The following KYNU variants were observed in gnomAD, a reference collection of about 807,000 sequenced individuals.
KYNU encodes the protein kynureninase.
KYNU carries 54 observed loss-of-function variants against 59.2 expected under a neutral mutation model. That is an observed-to-expected ratio of 0.91 (90% confidence interval 0.73 to 1.14). KYNU has a LOEUF of 1.14. KYNU is among the 50% of genes most tolerant of loss of function. KYNU has a pLI of 0.00. For synonymous variants in KYNU, 177 were observed against 192.0 expected (o/e 0.92, Z 0.65); for missense variants, 567 against 554.4 (o/e 1.02, Z -0.23).
At position 143,046,927 on chromosome 2, in the gene KYNU, C is replaced by T. The variant is rs1417863652; in HGVS notation, c.*4755C>T. ...CAATAGTGAGCCTTCCTACCCAAGA[C>T]CATGGCATTTATTTTCATTTATTTA... On this transcript the variant is annotated 3_prime_UTR_variant, in exon 14 of 14. Coordinates refer to ENST00000264170, the MANE Select transcript of KYNU (RefSeq NM_003937.3). The T allele has an allele frequency of 6.6e-6, 1 of 152,110 alleles. No individual in the cohort carries two copies. The highest frequency in any genetic ancestry group is 1.5e-5 in the Non-Finnish European group (1 of 68,018). The allele number at this position is 152,110 out of a possible 1,614,324, so 9.4% of individuals were successfully genotyped here. A position where few individuals can be genotyped will look rare whatever the true frequency, so the allele number is the denominator to read the frequency against.
rs1687089652 is a variant in KYNU at position 143,042,619 on chromosome 2, T to C, written c.*447T>C. ...ATATATATATATATATATATATATA[T>C]ATATATATATATGTGTGTGTGTGTG... On this transcript the variant is annotated 3_prime_UTR_variant, in exon 14 of 14. Transcript: ENST00000264170. The C allele has an allele frequency of 1.5e-5, 2 of 132,872 alleles. No individual in the cohort carries two copies. The highest frequency in any genetic ancestry group is 2.9e-5 in the African/African-American group (1 of 33,964). The allele number at this position is 132,872 out of a possible 1,614,324, so 8.2% of individuals were successfully genotyped here.
rs149102466 is a variant in KYNU, at chr2:142,948,395, A to G, written c.374-6415A>G. 7.8e-3 allele frequency among the ~76,000 whole-genome samples: 1,185 copies of G among 152,330 alleles called. 10 individuals carry two copies. Among genetic ancestry groups the G allele is most frequent in the Middle Eastern group, 0.02 (6 of 294 alleles). Reference sequence around the variant, plus strand: ...CACTCAAACTTTCTCCATATCAGCAATAAAGCTTGTATTAGTCTGTTTTTA... The same window carrying G: ...CACTCAAACTTTCTCCATATCAGCAGTAAAGCTTGTATTAGTCTGTTTTTA... On this transcript the variant is annotated intron_variant, in intron 4 of 13. Coordinates refer to ENST00000264170, the MANE Select transcript of KYNU (RefSeq NM_003937.3).
chr2:142,912,413 C>T lies in KYNU; in HGVS notation c.170-6196C>T, dbSNP rs555596578. Among the ~76,000 whole-genome samples the T allele has an allele frequency of 1.9e-3, 233 of 124,876 alleles. 1 individual carries two copies. The highest frequency in any genetic ancestry group is 6.9e-3 in the African/African-American group (219 of 31,964). The allele number at this position is 124,876 out of a possible 152,430, so 81.9% of individuals were successfully genotyped here. ...TTTTTTTTTGAGATGGAGTTTCACT[C>T]GTGTTGCCCAGGCTGGAGTGCAATG... On this transcript the variant is annotated intron_variant, in intron 2 of 13. Transcript: ENST00000264170.
Position 142,885,361 on chromosome 2 carries a change from A to G in KYNU, c.-7A>G. 1 of 1,613,746 alleles carries G rather than the reference A, an allele frequency of 6.2e-7. No homozygotes were observed. Among genetic ancestry groups the G allele is most frequent in the Non-Finnish European group, 8.5e-7 (1 of 1,179,772 alleles). On this transcript the variant is annotated 5_prime_UTR_variant, in exon 2 of 14. Coordinates refer to ENST00000264170, the MANE Select transcript of KYNU (RefSeq NM_003937.3). ...TATTCTCTTTCAGTTTTAGAGAACA[A>G]CTTGTAATGGAGCCTTCATCTCTTG... is the stretch of plus-strand genomic sequence containing the variant.
In KYNU at chr2:142,985,930, A is replaced by G; in HGVS notation, c.829-18A>G. The G allele has an allele frequency of 6.4e-7, 1 of 1,556,404 alleles. No homozygotes were observed. Among genetic ancestry groups the G allele is most frequent in the East Asian group, 2.3e-5 (1 of 44,210 alleles). On this transcript the variant is annotated intron_variant, in intron 9 of 13. Transcript: ENST00000264170. ...ATATTTAAGTAAACCCACATAATTT[A>G]ATTTATTTTCAATCTAGTATTTAAA...
chr2:142,884,688 C>CT (rs70997529), intron 1 of KYNU, among the ~76,000 whole-genome samples: 2,452 of 76,978 alleles, frequency 0.032, 6 homozygotes, highest in Non-Finnish European at 0.043. Flanking sequence ...TTCTCTTTTC[C>CT]TTTTTTTTTT....
At chr2:142,992,614 G>C (rs898464629) in intron 10 of KYNU, among the ~76,000 whole-genome samples, 2 of 151,656 alleles carry the variant, frequency 1.3e-5, no homozygotes. Flanking sequence ...GGATATGTCT[G>C]TATATGTGTG....
At chr2:142,902,166 G>T (rs2104948177) in intron 2 of KYNU, among the ~76,000 whole-genome samples, 1 of 152,250 alleles carries the variant, frequency 6.6e-6, no homozygotes, top group South Asian at 2.1e-4. Context: ...TACTAAGACT[G>T]CAACTGCCGC....
chr2:142,981,861 C>T (rs141946875), intron 8 of KYNU, among the ~76,000 whole-genome samples: 1 of 152,080 alleles, frequency 6.6e-6, no homozygotes, highest in East Asian at 1.9e-4. Context: ...CGTAAAGAAC[C>T]AAGTAGCAAA....
At chr2:142,899,642 C>G (rs1457588210) in intron 2 of KYNU, among the ~76,000 whole-genome samples, 1 of 46,462 alleles carries the variant, frequency 2.2e-5, no homozygotes, top group Non-Finnish European at 3.9e-5. Context: ...AACATAGGAG[C>G]ATGGGCTAGG....
At chr2:142,992,403 C>T (rs1213775677) in intron 10 of KYNU, among the ~76,000 whole-genome samples, 1 of 151,778 alleles carries the variant, frequency 6.6e-6, no homozygotes, top group Non-Finnish European at 1.5e-5. Context: ...AAAATCAACA[C>T]ACCTTATCCT....
intron 12 of KYNU, among the ~76,000 whole-genome samples, chr2:143,036,583 CAT>C (rs1157053246): frequency 6.6e-6 from 1 of 152,190 alleles, no homozygotes; most frequent in Non-Finnish European, 1.5e-5. Context: ...GAGCTAAAAA[CAT>C]AAAGTATATT....
chr2:142,933,550 T>C (rs954005158), intron 4 of KYNU, among the ~76,000 whole-genome samples: 1 of 152,114 alleles, frequency 6.6e-6, no homozygotes, highest in Non-Finnish European at 1.5e-5. Flanking sequence ...AGGAGAGATA[T>C]GCAGTCAGCT....
intron 8 of KYNU, among the ~76,000 whole-genome samples, chr2:142,961,059 G>C (rs1310945015): frequency 6.6e-6 from 1 of 151,866 alleles, no homozygotes; most frequent in African/African-American, 2.4e-5. Flanking sequence ...TGGGCATGGT[G>C]GTGGGCACCT....
intron 12 of KYNU, among the ~76,000 whole-genome samples, chr2:143,035,583 C>A (rs1181248685): frequency 6.6e-6 from 1 of 151,950 alleles, no homozygotes; most frequent in Non-Finnish European, 1.5e-5. Context: ...ACTTACCTTC[C>A]TTTAAGTTTT....
chr2:142,937,031 A>G (rs1683413884), intron 4 of KYNU, among the ~76,000 whole-genome samples: 1 of 152,144 alleles, frequency 6.6e-6, no homozygotes, highest in African/African-American at 2.4e-5. Flanking sequence ...TGAGGACGGG[A>G]TAAAGGTTTT....
intron 4 of KYNU, among the ~76,000 whole-genome samples, chr2:142,936,420 A>T (rs1558931183): frequency 6.6e-6 from 1 of 152,124 alleles, no homozygotes; most frequent in Non-Finnish European, 1.5e-5. Flanking sequence ...TTCTTTTATG[A>T]GGCAGCCTAG....
intron 10 of KYNU, among the ~76,000 whole-genome samples, chr2:143,027,949 A>AT (rs1200302839): frequency 1.3e-5 from 2 of 152,054 alleles, no homozygotes; most frequent in Non-Finnish European, 2.9e-5. Flanking sequence ...TATAAAGCAT[A>AT]TAAGATACTA....
chr2:142,890,692 G>A (rs1298139760), intron 2 of KYNU, among the ~76,000 whole-genome samples: 3 of 152,198 alleles, frequency 2.0e-5, no homozygotes, highest in South Asian at 2.1e-4. Flanking sequence ...TGCTCAGGCT[G>A]GTCTCAAACT....
Sources: gnomAD v4.1 joint callset for allele counts (sites outside exome capture counted in the v4.1 genomes callset) on GRCh38, gnomAD v4.1.1 for gene constraint, MANE v1.5 for transcripts, NCBI Gene and HGNC (gene_info 2026-07-23, HGNC 2026-07-21) for gene names.